Variants in LIN54 observed in about 807,000 individuals in gnomAD.
LIN54 encodes the protein lin-54 DREAM MuvB core complex component, also known as protein lin-54 homolog.
A neutral mutation model predicts 78.7 loss-of-function variants in LIN54; 9 were observed. That is an observed-to-expected ratio of 0.11 (90% CI 0.07 to 0.20). The LOEUF is 0.20. Ranked by LOEUF, LIN54 falls within the 10% of genes least tolerant of loss-of-function variation. LIN54 has a pLI of 1.00. For missense variants in LIN54, 573 were observed against 889.9 expected (o/e 0.64, Z 4.53); for synonymous variants, 269 against 318.4 (o/e 0.84, Z 1.65).
At chr4:82,948,383 G>A (rs1553949247) in intron 4 of LIN54, among the ~76,000 whole-genome samples, 1 of 152,114 alleles carries the variant, frequency 6.6e-6, no homozygotes, top group South Asian at 2.1e-4. Flanking sequence ...AATTAAGTTT[G>A]TTTAGTATAC....
At chr4:83,012,008 C>T (rs1166645888), upstream of LIN54, 1 of 984,878 alleles carries the variant, frequency 1.0e-6, no homozygotes. Context: ...AAAGTCATTT[C>T]ATTTCCCTAC....
intron 1 of LIN54, among the ~76,000 whole-genome samples, chr4:82,998,223 G>A (rs865875060): frequency 1.3e-5 from 2 of 151,518 alleles, no homozygotes; most frequent in African/African-American, 4.8e-5. Flanking sequence ...CATTACAGAT[G>A]AGCAAGTAAT....
chr4:82,995,140 A>T (rs565397471), intron 1 of LIN54, among the ~76,000 whole-genome samples: 4 of 151,964 alleles, frequency 2.6e-5, no homozygotes, highest in African/African-American at 7.2e-5. Flanking sequence ...CAAAAAAATA[A>T]TTTTTAAAAA....
intron 4 of LIN54, among the ~76,000 whole-genome samples, chr4:82,964,338 A>C (rs1578558970): frequency 6.6e-6 from 1 of 152,218 alleles, no homozygotes; most frequent in Non-Finnish European, 1.5e-5. Context: ...GGTGTAAGCC[A>C]CCATGCCCCC....
Position 82,984,602 on chromosome 4 carries a change from T to C in LIN54, c.243A>G (p.Thr81=), listed in dbSNP as rs776407849. ...TGGTATTAGAATCTGCTTTAGTAAT[T>C]GTGGTATTCACTGCAACTTGGTTAG... ...NHTNQVAVNT[T]ITKADSNTTV... Residue 81 remains threonine (T), a synonymous_variant, in exon 2 of 13, where the codon ACA becomes ACG. Coordinates refer to ENST00000340417, the MANE Select transcript of LIN54 (RefSeq NM_194282.4). 1 of 1,614,202 alleles carries C rather than the reference T, an allele frequency of 6.2e-7. No individual in the cohort carries two copies. The highest frequency in any genetic ancestry group is 8.5e-7 in the Non-Finnish European group (1 of 1,180,036).
rs559551116 is a variant in LIN54, at chr4:82,924,906, A to G, written c.*3196T>C. 15 of 152,788 alleles carry G rather than the reference A, an allele frequency of 9.8e-5. No individual in the cohort carries two copies. Among genetic ancestry groups the G allele is most frequent in the Admixed American group, 3.9e-4 (6 of 15,304 alleles). The allele number at this position is 152,788 out of a possible 1,614,324, so 9.5% of individuals were successfully genotyped here. Reference sequence around the variant, plus strand: ...GCCGGAGGTCCTGCTGTGAAGCTTCATTTACATAACAAGTATTCATTTTCT... The same window carrying G: ...GCCGGAGGTCCTGCTGTGAAGCTTCGTTTACATAACAAGTATTCATTTTCT... On this transcript the variant is annotated 3_prime_UTR_variant, in exon 13 of 13. Coordinates refer to ENST00000340417, the MANE Select transcript of LIN54 (RefSeq NM_194282.4).
At chr4:82,932,654 C>G (rs988545815) in intron 11 of LIN54, among the ~76,000 whole-genome samples, 1 of 145,752 alleles carries the variant, frequency 6.9e-6, no homozygotes, top group African/African-American at 2.5e-5. Flanking sequence ...CCCCATCTCT[C>G]TTTAAAAAAA....
At chr4:82,974,900 G>A (rs946117465) in intron 3 of LIN54, among the ~76,000 whole-genome samples, 8 of 151,784 alleles carry the variant, frequency 5.3e-5, no homozygotes, top group Non-Finnish European at 1.2e-4. Context: ...AAAGTGGGAT[G>A]GTGGCTGCCG....
chr4:82,964,732 A>G (rs1274183562), intron 4 of LIN54, among the ~76,000 whole-genome samples: 1 of 152,210 alleles, frequency 6.6e-6, no homozygotes, highest in Non-Finnish European at 1.5e-5. Flanking sequence ...AAAAAAAAGA[A>G]AAAAATTTAA....
chr4:82,981,318 A>C (rs1483882666), intron 2 of LIN54, among the ~76,000 whole-genome samples: 1 of 152,156 alleles, frequency 6.6e-6, no homozygotes, highest in Non-Finnish European at 1.5e-5. Context: ...GTGTTTATAT[A>C]TCTGTTATTA....
chr4:82,932,131 G>A (rs1433420429), intron 11 of LIN54, among the ~76,000 whole-genome samples: 1 of 123,536 alleles, frequency 8.1e-6, no homozygotes, highest in Non-Finnish European at 1.6e-5. Flanking sequence ...GTCTCGCTCT[G>A]TCTCCCAGGC....
chr4:82,956,365 A>AG (rs1553950644), intron 4 of LIN54, among the ~76,000 whole-genome samples: 5 of 150,586 alleles, frequency 3.3e-5, no homozygotes, highest in Non-Finnish European at 4.4e-5. Context: ...AAAAAAAAAA[A>AG]AGACTGTTTT....
At chr4:82,956,919 C>T (rs1560743427) in intron 4 of LIN54, among the ~76,000 whole-genome samples, 3 of 152,106 alleles carry the variant, frequency 2.0e-5, no homozygotes, top group African/African-American at 7.2e-5. Flanking sequence ...GCCACCATGC[C>T]CAGCCATTTC....
intron 11 of LIN54, among the ~76,000 whole-genome samples, chr4:82,934,563 G>A (rs1722235572): frequency 6.6e-6 from 1 of 152,138 alleles, no homozygotes; most frequent in African/African-American, 2.4e-5. Context: ...AGTAGATTAG[G>A]AAAGAATTCA....
intron 3 of LIN54, among the ~76,000 whole-genome samples, chr4:82,976,628 A>G (rs953049979): frequency 1.3e-5 from 2 of 152,116 alleles, no homozygotes; most frequent in African/African-American, 4.8e-5. Flanking sequence ...GAATCGCTTG[A>G]ACCCAGGAGG....
intron 1 of LIN54, among the ~76,000 whole-genome samples, chr4:82,995,443 C>A (rs1728112975): frequency 6.8e-6 from 1 of 146,960 alleles, no homozygotes. Flanking sequence ...TCATAAACTA[C>A]AGAACAGAAT....
At chr4:82,959,945 T>C (rs1465395567) in intron 4 of LIN54, among the ~76,000 whole-genome samples, 1 of 152,232 alleles carries the variant, frequency 6.6e-6, no homozygotes, top group Non-Finnish European at 1.5e-5. Context: ...TTCTTAATTA[T>C]GTGAGAACTC....
chr4:83,002,020 G>C (rs13127640), intron 1 of LIN54, among the ~76,000 whole-genome samples: 43,214 of 63,138 alleles, frequency 0.68, 19,171 homozygotes, highest in Admixed American at 0.8. Flanking sequence ...AGATACCATA[G>C]CAGAGGAATT....
chr4:82,996,055 G>A (rs1426430522), intron 1 of LIN54, among the ~76,000 whole-genome samples: 2 of 151,840 alleles, frequency 1.3e-5, no homozygotes, highest in Non-Finnish European at 2.9e-5. Context: ...TGAGGCAGGA[G>A]AATTGCTTGA....
Sources: gnomAD v4.1 joint callset for allele counts (sites outside exome capture counted in the v4.1 genomes callset) on GRCh38, gnomAD v4.1.1 for gene constraint, MANE v1.5 for transcripts, NCBI Gene and HGNC (gene_info 2026-07-23, HGNC 2026-07-21) for gene names.